Variants in RIMKLB observed in about 807,000 individuals in gnomAD.
RIMKLB encodes the protein beta-citrylglutamate synthase B.
RIMKLB carries 7 observed loss-of-function variants against 32.0 expected under a neutral mutation model. The observed-to-expected ratio is 0.22, with a 90% CI of 0.12 to 0.41. The LOEUF is 0.41. RIMKLB is among the 10% of genes least tolerant of loss of function. RIMKLB has a pLI of 1.00. For missense variants in RIMKLB, 289 were observed against 498.7 expected (o/e 0.58, Z 4.00); for synonymous variants, 172 against 185.1 (o/e 0.93, Z 0.57).
At chr12:8,674,094 A>G in the RIMKLB span, among the ~76,000 whole-genome samples, 2 of 152,114 alleles carry the variant, frequency 1.3e-5, no homozygotes, top group Non-Finnish European at 2.9e-5. Flanking sequence ...ACATGCAGTC[A>G]TCTTTAGTCC....
At chr12:8,748,558 GCA>G (rs1565611343) in intron 2 of RIMKLB, among the ~76,000 whole-genome samples, 22 of 56,270 alleles carry the variant, frequency 3.9e-4, no homozygotes, top group Non-Finnish European at 5.7e-4. Context: ...GTGTGTGTGT[GCA>G]TATATATATA....
chr12:8,726,036 C>T (rs185315365), intron 2 of RIMKLB, among the ~76,000 whole-genome samples: 1 of 152,206 alleles, frequency 6.6e-6, no homozygotes, highest in Non-Finnish European at 1.5e-5. Flanking sequence ...TTAGTAGAGA[C>T]AGGATTTCAT....
rs920097233 is a variant in RIMKLB, at chr12:8,775,036, G to A, written c.*1252G>A. 1.5e-5 allele frequency: 15 copies of A among 985,620 alleles called. No homozygotes were observed. Among genetic ancestry groups the A allele is most frequent in the Non-Finnish European group, 1.8e-5 (15 of 829,886 alleles). 61.1% of individuals were successfully genotyped at this position (985,620 alleles called of 1,614,324 possible). A position where few individuals can be genotyped will look rare whatever the true frequency, so the allele number is the denominator to read the frequency against. ...CATAAGTAGACTCCACTGGGGTAGA[G>A]GTATTCACCTTAAAACATAGGGTGA... On this transcript the variant is annotated 3_prime_UTR_variant, in exon 6 of 6. Coordinates refer to ENST00000535829, the MANE Select transcript of RIMKLB (RefSeq NM_001297776.2).
chr12:8,695,203 CGCCCCGCCCG>C (rs1488450849), upstream of RIMKLB, among the ~76,000 whole-genome samples: 3 of 102,570 alleles, frequency 2.9e-5, no homozygotes, highest in African/African-American at 1.0e-4. Context: ...CCCCCCGCCC[CGCCCCGCCCG>C]GCCCCGACAC....
chr12:8,718,422 G>T (rs1945071685), intron 2 of RIMKLB, among the ~76,000 whole-genome samples: 1 of 152,186 alleles, frequency 6.6e-6, no homozygotes, highest in Non-Finnish European at 1.5e-5. Context: ...GAGGCCGGCA[G>T]ATCGCGAGGT....
chr12:8,776,072 A>T lies in RIMKLB; in HGVS notation c.*2288A>T, dbSNP rs114882326. The T allele has an allele frequency of 2.4e-3, 2,329 of 982,340 alleles. 38 individuals carry two copies. The African/African-American group carries it at 0.039, about 16-fold the overall frequency. The allele number at this position is 982,340 out of a possible 1,614,324, so 60.9% of individuals were successfully genotyped here. On this transcript the variant is annotated 3_prime_UTR_variant, in exon 6 of 6. Coordinates refer to ENST00000535829, the MANE Select transcript of RIMKLB (RefSeq NM_001297776.2). ...AGACCATCTGGTTGCCATGTGTATT[A>T]TGACACATACACTTTGAATAGTTAC... is the stretch of plus-strand genomic sequence containing the variant.
At chr12:8,679,868 G>C (rs1324686210), upstream of RIMKLB, among the ~76,000 whole-genome samples, 1 of 152,202 alleles carries the variant, frequency 6.6e-6, no homozygotes, top group Non-Finnish European at 1.5e-5. Flanking sequence ...TAGGAGCTGG[G>C]TAAATGAGGT....
At chr12:8,696,199 T>A (rs917835486), upstream of RIMKLB, among the ~76,000 whole-genome samples, 4 of 152,232 alleles carry the variant, frequency 2.6e-5, no homozygotes, top group African/African-American at 9.7e-5. Context: ...ACTGTGTTTA[T>A]TTTGTCAGAT....
At chr12:8,728,566 G>A (rs1946245184) in intron 2 of RIMKLB, among the ~76,000 whole-genome samples, 1 of 152,066 alleles carries the variant, frequency 6.6e-6, no homozygotes, top group Admixed American at 6.6e-5. Context: ...CCAGCAAGTT[G>A]GTAGCTTAGT....
At chr12:8,721,456 A>C (rs1176014801) in intron 2 of RIMKLB, among the ~76,000 whole-genome samples, 1 of 152,222 alleles carries the variant, frequency 6.6e-6, no homozygotes, top group Non-Finnish European at 1.5e-5. Flanking sequence ...AACAATGTTC[A>C]TAGCCTCTTC....
At chr12:8,693,461 ATC>A (rs1436674493), upstream of RIMKLB, among the ~76,000 whole-genome samples, 1 of 149,014 alleles carries the variant, frequency 6.7e-6, no homozygotes, top group Admixed American at 6.8e-5. Context: ...CAGTGGCACT[ATC>A]TCAGCTCACT....
chr12:8,772,733 T>C (rs552987877), intron 5 of RIMKLB, among the ~76,000 whole-genome samples: 4 of 152,222 alleles, frequency 2.6e-5, no homozygotes, highest in Admixed American at 6.5e-5. Context: ...TTTACTTTCC[T>C]GTCCTTAGTT....
At chr12:8,767,121 C>G (rs1050952500) in intron 5 of RIMKLB, among the ~76,000 whole-genome samples, 1 of 152,224 alleles carries the variant, frequency 6.6e-6, no homozygotes, top group East Asian at 1.9e-4. Context: ...TACAGGGTCA[C>G]GGAGAAGACC....
At chr12:8,709,043 C>T (rs1002514206) in intron 1 of RIMKLB, among the ~76,000 whole-genome samples, 1 of 152,188 alleles carries the variant, frequency 6.6e-6, no homozygotes, top group African/African-American at 2.4e-5. Flanking sequence ...AAATACTATA[C>T]GGTACTCATC....
chr12:8,707,446 C>T (rs1217237841), intron 1 of RIMKLB, among the ~76,000 whole-genome samples: 3 of 152,226 alleles, frequency 2.0e-5, no homozygotes, highest in Non-Finnish European at 4.4e-5. Context: ...CTTCTTTGCC[C>T]TTCCTGGGTG....
rs768447169 is a variant in RIMKLB at position 8,738,123 on chromosome 12, G to A, written c.176-11739G>A. ...ATTGTCAGGGTTAGGGACAGTGGGA[G>A]CCTCGACCTACCTGGCCTCAGGTGA... is the stretch of plus-strand genomic sequence containing the variant. On this transcript the variant is annotated intron_variant, in intron 2 of 5. Transcript: ENST00000535829. Among the ~76,000 whole-genome samples, 5 of 152,286 alleles carry A rather than the reference G, an allele frequency of 3.3e-5. No homozygotes were observed. In the East Asian group the frequency reaches 9.6e-4, roughly 29 times the overall value.
chr12:8,678,154 T>G (rs1408132789), upstream of RIMKLB, among the ~76,000 whole-genome samples: 2 of 151,406 alleles, frequency 1.3e-5, no homozygotes, highest in African/African-American at 4.8e-5. Context: ...AAGTCTTTCT[T>G]ATTTTTCTTT....
intron 2 of RIMKLB, among the ~76,000 whole-genome samples, chr12:8,739,427 C>T (rs1440686567): frequency 6.6e-6 from 1 of 152,176 alleles, no homozygotes; most frequent in African/African-American, 2.4e-5. Flanking sequence ...AAGTGATCAT[C>T]CCACCTTGGC....
chr12:8,689,038 G>A (rs1362176461), intron 1 of RIMKLB, among the ~76,000 whole-genome samples: 1 of 152,182 alleles, frequency 6.6e-6, no homozygotes, highest in Non-Finnish European at 1.5e-5. Flanking sequence ...GTTTCGCCAT[G>A]TTGGCCAGGC....
Sources: gnomAD v4.1 joint callset for allele counts (sites outside exome capture counted in the v4.1 genomes callset) on GRCh38, gnomAD v4.1.1 for gene constraint, MANE v1.5 for transcripts, NCBI Gene and HGNC (gene_info 2026-07-23, HGNC 2026-07-21) for gene names.